Variants in ZNF438 observed in about 807,000 individuals in gnomAD.
The protein encoded by ZNF438 is zinc finger protein 438.
ZNF438 carries 25 observed loss-of-function variants against 38.0 expected under a neutral mutation model. The observed-to-expected ratio is 0.66, with a 90% CI of 0.48 to 0.92. The LOEUF (loss-of-function observed/expected upper bound fraction) is 0.92, where lower values mean the gene tolerates loss of function less well. ZNF438 is among the 40% of genes least tolerant of loss of function. ZNF438 has a pLI of 0.00. For missense variants in ZNF438, 1,007 were observed against 999.6 expected (o/e 1.01, Z -0.10); for synonymous variants, 372 against 364.1 (o/e 1.02, Z -0.25).
At chr10:30,849,494 T>A (rs535621858) in exon 5 of ZNF438, 1 of 1,614,226 alleles carries the variant, frequency 6.2e-7, no homozygotes, top group Non-Finnish European at 8.5e-7. Flanking sequence ...TTTGTAAACC[T>A]CCATTGTCTT....
chr10:30,970,916 A>G (rs904246098), intron 1 of ZNF438, among the ~76,000 whole-genome samples: 4 of 152,324 alleles, frequency 2.6e-5, no homozygotes, highest in East Asian at 3.9e-4. Flanking sequence ...CTACCACTTC[A>G]TTCCTAAAAG....
chr10:30,869,191 G>A (rs1396959068), intron 4 of ZNF438, among the ~76,000 whole-genome samples: 2 of 152,100 alleles, frequency 1.3e-5, no homozygotes, highest in African/African-American at 4.8e-5. Context: ...TGGCTAACAC[G>A]GTGAAACCCT....
chr10:31,020,198 T>C (rs2056490353), intron 1 of ZNF438, among the ~76,000 whole-genome samples: 1 of 152,196 alleles, frequency 6.6e-6, no homozygotes, highest in South Asian at 2.1e-4. Context: ...CTAGGAATTT[T>C]AAGTACATAT....
chr10:31,028,354 A>C (rs2057074038), intron 1 of ZNF438, among the ~76,000 whole-genome samples: 1 of 152,240 alleles, frequency 6.6e-6, no homozygotes, highest in African/African-American at 2.4e-5. Context: ...AGGTAATAGA[A>C]CTGGAAAAAC....
chr10:30,848,774 T>C (rs1403833044), exon 5 of ZNF438: 6 of 1,614,120 alleles, frequency 3.7e-6, no homozygotes, highest in East Asian at 2.2e-5. Flanking sequence ...AGGACGTACA[T>C]AGGACTTGCG....
intron 2 of ZNF438, among the ~76,000 whole-genome samples, chr10:30,915,854 C>T (rs2134719186): frequency 6.6e-6 from 1 of 152,056 alleles, no homozygotes; most frequent in East Asian, 1.9e-4. Flanking sequence ...GTCAGCTGAA[C>T]CAGCATTAGT....
At position 31,012,270 on chromosome 10, in the gene ZNF438, C is replaced by T. The variant is rs1369327606; in HGVS notation, c.-192+19563G>A. ...TCCCAAGTAGCTGGGACTACAGGCA[C>T]CCGCCACCACGCCCGGCTAATTTTT... On this transcript the variant is annotated intron_variant, in intron 1 of 5. Transcript: ENST00000413025. Among the ~76,000 whole-genome samples the T allele has an allele frequency of 3.3e-5, 5 of 151,862 alleles. No homozygotes were observed. In the East Asian group the frequency reaches 9.7e-4, roughly 29 times the overall value.
chr10:30,845,251 G>T, exon 6 of ZNF438: 1 of 1,614,174 alleles, frequency 6.2e-7, no homozygotes, highest in Non-Finnish European at 8.5e-7. Context: ...CCATTCTGAT[G>T]AAGGTGGAGC....
chr10:30,973,349 T>A (rs746288202), intron 1 of ZNF438, among the ~76,000 whole-genome samples: 1 of 152,210 alleles, frequency 6.6e-6, no homozygotes, highest in Non-Finnish European at 1.5e-5. Flanking sequence ...CTGCCTTGCA[T>A]AGAGTAGATG....
rs75793810 is a variant in ZNF438 at position 30,934,279 on chromosome 10, C to T, written c.-115+7296G>A. 5.6e-4 allele frequency among the ~76,000 whole-genome samples: 86 copies of T among 152,290 alleles called. No individual in the cohort carries two copies. The East Asian group carries it at 0.014, about 25-fold the overall frequency. The stretch of plus-strand genomic sequence containing the variant: ...ATCCAAGCCCAAATGGGTGCACTCT[C>T]CTTGATCCGTATCTGTGTATCTGAA... On this transcript the variant is annotated intron_variant, in intron 2 of 5. Coordinates refer to ENST00000413025, the Ensembl canonical transcript of ZNF438.
At chr10:31,029,285 G>A (rs2057131717) in intron 1 of ZNF438, among the ~76,000 whole-genome samples, 2 of 151,206 alleles carry the variant, frequency 1.3e-5, no homozygotes, top group African/African-American at 4.9e-5. Context: ...ATAGGTTAAA[G>A]TACTTAAAAC....
intron 1 of ZNF438, among the ~76,000 whole-genome samples, chr10:30,962,154 C>T (rs1420694432): frequency 6.8e-6 from 1 of 146,884 alleles, no homozygotes; most frequent in Non-Finnish European, 1.5e-5. Flanking sequence ...CCTGCTTGTA[C>T]AGAGCAACAA....
intron 2 of ZNF438, among the ~76,000 whole-genome samples, chr10:30,938,130 C>G (rs2046440838): frequency 6.6e-6 from 1 of 152,156 alleles, no homozygotes; most frequent in Admixed American, 6.6e-5. Flanking sequence ...CAGGGTTGAA[C>G]CAGCGGTCTA....
intron 1 of ZNF438, among the ~76,000 whole-genome samples, chr10:30,974,597 A>T (rs2051128360): frequency 6.6e-6 from 1 of 152,240 alleles, no homozygotes; most frequent in Admixed American, 6.5e-5. Flanking sequence ...CACTTACCTA[A>T]TACGAAGTCA....
chr10:30,913,666 G>A (rs7092133), intron 2 of ZNF438, among the ~76,000 whole-genome samples: 1,893 of 152,122 alleles, frequency 0.012, 53 homozygotes, highest in African/African-American at 0.044. Flanking sequence ...CATTTAGTTG[G>A]AAAAGCAAGC....
Position 30,849,583 on chromosome 10 carries a change from T to C in ZNF438, c.822A>G (p.Pro274=), listed in dbSNP as rs1292051455. 3.1e-6 allele frequency: 5 copies of C among 1,614,248 alleles called. No homozygotes were observed. In the South Asian group the frequency reaches 4.4e-5, roughly 14 times the overall value. Residue 274 remains proline (P), a synonymous_variant, in exon 5 of 6, where the codon CCA becomes CCG. Transcript: ENST00000413025. ...ACTGAACTGCATTGCCAAGAATGGT[T>C]GGTGATAAATTGGTCATGGTTTTTG...
chr10:30,961,525 A>T (rs946977609), intron 1 of ZNF438, among the ~76,000 whole-genome samples: 2 of 145,484 alleles, frequency 1.4e-5, no homozygotes, highest in African/African-American at 4.9e-5. Flanking sequence ...ATCGCATTTT[A>T]TTTTTTTTAA....
At chr10:31,004,101 T>C (rs1589683907) in intron 1 of ZNF438, among the ~76,000 whole-genome samples, 1 of 152,122 alleles carries the variant, frequency 6.6e-6, no homozygotes, top group South Asian at 2.1e-4. Flanking sequence ...TGGCAATATC[T>C]GGAGACATTT....
intron 1 of ZNF438, among the ~76,000 whole-genome samples, chr10:31,024,745 G>A (rs1343271182): frequency 6.6e-6 from 1 of 152,164 alleles, no homozygotes; most frequent in Non-Finnish European, 1.5e-5. Context: ...TAATAGTGAG[G>A]ATAATGCATG....
Sources: gnomAD v4.1 joint callset for allele counts (sites outside exome capture counted in the v4.1 genomes callset) on GRCh38, gnomAD v4.1.1 for gene constraint, MANE v1.5 for transcripts, NCBI Gene and HGNC (gene_info 2026-07-23, HGNC 2026-07-21) for gene names.